GLYATL1B: variants seen among roughly 807,000 people sequenced by gnomAD.
GLYATL1B encodes putative glycine N-acyltransferase-like protein 1B.
GLYATL1B carries 6 observed loss-of-function variants against 5.5 expected under a neutral mutation model. The observed-to-expected ratio is 1.09, with a 90% CI of 0.60 to 2.15. The LOEUF is 2.15. Among genes scored for constraint, GLYATL1B ranks in the 30% most tolerant of loss-of-function variants. The pLI is 0.00. For synonymous variants in GLYATL1B, 67 were observed against 34.9 expected, an observed-to-expected ratio of 1.92 and a Z score of -3.24; for missense variants, 135 against 94.1, an observed-to-expected ratio of 1.43 and a Z score of -1.80.
At chr11:59,090,012 G>C (rs1453810744) in intron 2 of GLYATL1B, among the ~76,000 whole-genome samples, 1 of 151,932 alleles carries the variant, frequency 6.6e-6, no homozygotes, top group African/African-American at 2.4e-5. Context: ...TGAATAGCAT[G>C]AATTAACATT....
chr11:59,086,661 G>T lies in GLYATL1B; in HGVS notation c.78+277G>T, dbSNP rs182820386. ...GGGCCAGATTCAATAAATATGCATT[G>T]CAAGGCTGCCATTTTTTAGTCAGAT... On this transcript the variant is annotated intron_variant, in intron 1 of 4. Coordinates refer to ENST00000527482, the MANE Select transcript of GLYATL1B (RefSeq NM_001355566.1). Among the ~76,000 whole-genome samples the T allele has an allele frequency of 4.8e-3, 736 of 152,262 alleles. 3 individuals are homozygous for T. The highest frequency in any genetic ancestry group is 0.017 in the African/African-American group (704 of 41,534).
Position 59,094,372 on chromosome 11 carries a change from G to A in GLYATL1B, c.495G>A (p.Glu165=). The change falls in exon 5 of 5, where the codon GAG becomes GAA. Residue 165 remains glutamate, a synonymous_variant. Coordinates refer to ENST00000527482, the MANE Select transcript of GLYATL1B (RefSeq NM_001355566.1). ...TGHPDDELES[E]TPNFKYAQLN... Reference sequence around the variant, plus strand: ...TCTTTCTTTTTGTTTTCTACAGCGAGACTCCGAACTTTAAGTATGCCCAGC... The same window carrying A: ...TCTTTCTTTTTGTTTTCTACAGCGAAACTCCGAACTTTAAGTATGCCCAGC... 1.9e-6 allele frequency: 1 copy of A among 539,976 alleles called. No individual in the cohort carries two copies. The highest frequency in any genetic ancestry group is 3.4e-6 in the Non-Finnish European group (1 of 298,070). The allele number at this position is 539,976 out of a possible 1,614,324, so 33.4% of individuals were successfully genotyped here. A position where few individuals can be genotyped will look rare whatever the true frequency, so the allele number is the denominator to read the frequency against.
chr11:59,089,707 A>G (rs1401837070), intron 2 of GLYATL1B, among the ~76,000 whole-genome samples: 1 of 152,142 alleles, frequency 6.6e-6, no homozygotes, highest in Non-Finnish European at 1.5e-5. Flanking sequence ...AAAATTCTCT[A>G]TGTGTTTTGG....
At position 59,094,196 on chromosome 11, in the gene GLYATL1B, G is replaced by A. The variant is rs539067579; in HGVS notation, c.491+85G>A. ...ACATAAATCAGTTTTGGAATGAAGA[G>A]AGGATGAATTCATTCCTTGGGATGA... is the stretch of plus-strand genomic sequence containing the variant. On this transcript the variant is annotated intron_variant, in intron 4 of 4. Transcript: ENST00000527482. 101 of 526,272 alleles carry A rather than the reference G, an allele frequency of 1.9e-4. No individual in the cohort carries two copies. The African/African-American group carries it at 1.9e-3, about 10-fold the overall frequency. 32.6% of individuals were successfully genotyped at this position (526,272 alleles called of 1,614,324 possible). A position where few individuals can be genotyped will look rare whatever the true frequency, so the allele number is the denominator to read the frequency against.
intron 2 of GLYATL1B, among the ~76,000 whole-genome samples, chr11:59,088,376 TG>T (rs1163185786): frequency 1.3e-5 from 2 of 152,164 alleles, no homozygotes; most frequent in African/African-American, 4.8e-5. Context: ...CATGCACATC[TG>T]ATTAGTGAAC....
chr11:59,092,077 T>C (rs1349191132), intron 2 of GLYATL1B, among the ~76,000 whole-genome samples: 1 of 152,216 alleles, frequency 6.6e-6, no homozygotes, highest in Non-Finnish European at 1.5e-5. Context: ...TATCAGTGAA[T>C]ATGTTGCCTT....
At chr11:59,089,161 T>G (rs1484885010) in intron 2 of GLYATL1B, among the ~76,000 whole-genome samples, 3 of 152,194 alleles carry the variant, frequency 2.0e-5, no homozygotes, top group Admixed American at 6.5e-5. Context: ...ATATGGACAT[T>G]GCTTTGAGTG....
intron 3 of GLYATL1B, 51 bp downstream of exon 3, chr11:59,093,706 T>G: frequency 2.2e-6 from 1 of 448,582 alleles, no homozygotes; most frequent in Non-Finnish European, 4.0e-6. Context: ...AAATTGTGTC[T>G]TCAACTAACA....
rs1345279426 is a variant in GLYATL1B at position 59,094,704 on chromosome 11, A to T, written c.827A>T (p.Lys276Met). 7.3e-5 allele frequency: 33 copies of T among 454,676 alleles called. No homozygotes were observed. Among genetic ancestry groups the T allele is most frequent in the African/African-American group, 5.4e-4 (27 of 50,402 alleles). The allele number at this position is 454,676 out of a possible 1,614,324, so 28.2% of individuals were successfully genotyped here. Residue 276 changes from lysine to methionine, a missense_variant, in exon 5 of 5, where the codon AAG becomes ATG. Transcript: ENST00000527482. ...GAAGAAAATCAAGGCGTCATCAGAA[A>T]GACTAGTGCACTAGGTTTCCTTGAG... ...VLEENQGVIR[K>M]TSALGFLEAS...
intron 4 of GLYATL1B, 99 bp downstream of exon 4, chr11:59,094,210 T>G (rs1859381709): frequency 1.8e-5 from 9 of 513,788 alleles, no homozygotes; most frequent in Non-Finnish European, 3.2e-5. Flanking sequence ...ATGAATTCAT[T>G]CCTTGGGATG....
chr11:59,092,401 A>G (rs780482361), intron 2 of GLYATL1B, among the ~76,000 whole-genome samples: 9 of 152,120 alleles, frequency 5.9e-5, no homozygotes, highest in Non-Finnish European at 1.0e-4. Context: ...TTGAATATTT[A>G]CTTGGCTATG....
At chr11:59,087,408 C>T (rs1229150572) in intron 2 of GLYATL1B, among the ~76,000 whole-genome samples, 1 of 152,126 alleles carries the variant, frequency 6.6e-6, no homozygotes, top group East Asian at 1.9e-4. Flanking sequence ...ACAAAGCTGA[C>T]ACTCACAGAT....
rs1027428198 is a variant in GLYATL1B, at chr11:59,093,533, T to G, written c.191T>G (p.Met64Arg). The change falls in exon 3 of 5, where the codon ATG (methionine) becomes AGG (arginine). Residue 64 changes from methionine to arginine, a missense_variant. By Grantham distance (91) the Met-to-Arg change is moderately conservative. Coordinates refer to ENST00000527482, the MANE Select transcript of GLYATL1B (RefSeq NM_001355566.1). ...MVIIRPQKQE[M>R]TDDMDSYTNV... ...ACCTTTCACCATCCTACACAGGAGATGACTGATGACATGGATTCATACACT... is the reference window on the plus strand; with the variant it reads ...ACCTTTCACCATCCTACACAGGAGAGGACTGATGACATGGATTCATACACT... The G allele has an allele frequency of 3.1e-5, 15 of 478,434 alleles. No individual in the cohort carries two copies. The highest frequency in any genetic ancestry group is 2.4e-4 in the African/African-American group (12 of 50,686). The allele number at this position is 478,434 out of a possible 1,614,324, so 29.6% of individuals were successfully genotyped here. A position where few individuals can be genotyped will look rare whatever the true frequency, so the allele number is the denominator to read the frequency against.
At chr11:59,091,463 A>G (rs1038321985) in intron 2 of GLYATL1B, among the ~76,000 whole-genome samples, 6 of 152,076 alleles carry the variant, frequency 3.9e-5, no homozygotes, top group African/African-American at 1.4e-4. Context: ...TGAGCATAGT[A>G]CCCGATAGGT....
At chr11:59,091,260 C>CAA (rs1462242370) in intron 2 of GLYATL1B, among the ~76,000 whole-genome samples, 34 of 150,816 alleles carry the variant, frequency 2.3e-4, no homozygotes, top group African/African-American at 8.0e-4. Context: ...TTACCAAAGT[C>CAA]TACTATTAAA....
chr11:59,086,429 A>C, intron 1 of GLYATL1B, 45 bp downstream of exon 1: 1 of 398,304 alleles, frequency 2.5e-6, no homozygotes, highest in Non-Finnish European at 4.4e-6. Context: ...AGGGGTGTTG[A>C]GGATGAGAAA....
intron 2 of GLYATL1B, among the ~76,000 whole-genome samples, chr11:59,087,683 A>G (rs1036101609): frequency 3.3e-5 from 5 of 152,022 alleles, no homozygotes; most frequent in Non-Finnish European, 5.9e-5. Flanking sequence ...CATCTCTACA[A>G]AAAAATAAAC....
At chr11:59,091,377 A>G (rs571642313) in intron 2 of GLYATL1B, among the ~76,000 whole-genome samples, 5 of 152,322 alleles carry the variant, frequency 3.3e-5, no homozygotes, top group Non-Finnish European at 4.4e-5. Context: ...AAGGGGGTAC[A>G]TGTGCATATT....
intron 2 of GLYATL1B, among the ~76,000 whole-genome samples, chr11:59,091,586 G>T (rs796641827): frequency 6.6e-6 from 1 of 152,136 alleles, no homozygotes; most frequent in Non-Finnish European, 1.5e-5. Context: ...GAGTGAAAAC[G>T]TGATATTTGA....
Sources: gnomAD v4.1 joint callset for allele counts (sites outside exome capture counted in the v4.1 genomes callset) on GRCh38, gnomAD v4.1.1 for gene constraint, MANE v1.5 for transcripts, NCBI Gene and HGNC (gene_info 2026-07-23, HGNC 2026-07-21) for gene names.